The following NR1D2 variants were observed in gnomAD, a reference collection of about 807,000 sequenced individuals.
NR1D2 encodes the protein V-erbA-related protein 1-related.
A neutral mutation model predicts 52.2 loss-of-function variants in NR1D2; 25 were observed. The ratio of observed to expected loss-of-function variants is 0.48; its 90% confidence interval spans 0.35 to 0.67. The LOEUF is 0.67. Ranked by LOEUF, NR1D2 falls within the 30% of genes least tolerant of loss-of-function variation. The probability of loss-of-function intolerance (pLI) is 0.01; values close to 1 mark genes in which losing one functional copy is unlikely to be tolerated. For missense variants in NR1D2, 681 were observed against 707.2 expected (o/e 0.96, Z 0.42); for synonymous variants, 259 against 230.1 (o/e 1.13, Z -1.14).
chr3:23,957,954 A>G (rs1034147519), intron 3 of NR1D2, among the ~76,000 whole-genome samples: 1 of 152,206 alleles, frequency 6.6e-6, no homozygotes, highest in Non-Finnish European at 1.5e-5. Flanking sequence ...TAGATTCGGG[A>G]AATGTGTTTA....
At chr3:23,947,339 C>T (rs779499750) in intron 1 of NR1D2, among the ~76,000 whole-genome samples, 3 of 152,190 alleles carry the variant, frequency 2.0e-5, no homozygotes, top group African/African-American at 4.8e-5. Context: ...ATAAAAATTC[C>T]TCCGGATGAA....
In NR1D2 at chr3:23,954,654, A is replaced by G; in HGVS notation, c.134A>G (p.Asn45Ser). The change falls in exon 2 of 8, where the codon AAT becomes AGT. Residue 45 changes from asparagine (N) to serine (S), a missense_variant. By Grantham distance (46) the Asn-to-Ser change is conservative (BLOSUM62 1). Coordinates refer to ENST00000312521, the MANE Select transcript of NR1D2 (RefSeq NM_005126.5). The part of the protein sequence containing the change: ...SSSSSVPSSP[N>S]SSNSDTNGNP... ...TCCTCTTCTGTTCCATCTTCTCCAA[A>G]TAGCTCTAATTCTGATACCAATGGT... 3 of 1,614,086 alleles carry G rather than the reference A, an allele frequency of 1.9e-6. No individual in the cohort carries two copies. The highest frequency in any genetic ancestry group is 2.5e-6 in the Non-Finnish European group (3 of 1,180,006).
Position 23,964,999 on chromosome 3 carries a change from C to T in NR1D2, c.1169C>T (p.Pro390Leu). 4 of 1,612,900 alleles carry T rather than the reference C, an allele frequency of 2.5e-6. No individual in the cohort carries two copies. In the Middle Eastern group the frequency reaches 6.6e-4, roughly 266 times the overall value. ...MHLVCPMSKS[P>L]YVDPHKSGHE... ...TAGGTTTGTCCAATGAGTAAGTCTC[C>T]ATATGTGGATCCTCATAAATCAGGA... is the stretch of plus-strand genomic sequence containing the variant. Residue 390 changes from proline (P) to leucine (L), a missense_variant, in exon 6 of 8, where the codon CCA becomes CTA. Transcript: ENST00000312521.
chr3:23,948,969 C>T (rs1705854175), intron 1 of NR1D2, among the ~76,000 whole-genome samples: 1 of 152,164 alleles, frequency 6.6e-6, no homozygotes, highest in South Asian at 2.1e-4. Context: ...TTCATCAGTC[C>T]TCTCTTTAGT....
Position 23,965,723 on chromosome 3 carries a change from C to T in NR1D2, c.1332+561C>T, listed in dbSNP as rs182031868. Among the ~76,000 whole-genome samples the T allele has an allele frequency of 1.9e-3, 286 of 152,196 alleles. 2 individuals carry two copies. Among genetic ancestry groups the T allele is most frequent in the Admixed American group, 0.017 (265 of 15,282 alleles). ...ATTTAGGATTTGAAATATAGGTATT[C>T]TGTATCTACAGCATATGAACTCCTG... On this transcript the variant is annotated intron_variant, in intron 6 of 7. Transcript: ENST00000312521.
intron 7 of NR1D2, among the ~76,000 whole-genome samples, chr3:23,974,887 C>T (rs966678113): frequency 6.7e-5 from 10 of 148,700 alleles, no homozygotes; most frequent in South Asian, 4.3e-4. Context: ...GGCATGATCT[C>T]GACTCACTGC....
chr3:23,973,880 C>T (rs1294994607), intron 7 of NR1D2, among the ~76,000 whole-genome samples: 3 of 151,932 alleles, frequency 2.0e-5, no homozygotes, highest in African/African-American at 7.2e-5. Flanking sequence ...AAAACTGTGA[C>T]AGACACATAC....
In NR1D2 at chr3:23,958,591, T is replaced by TA. The variant is rs375483148; in HGVS notation, c.373-1079dup. ...GGAGTTCGAAGTTGCGGTGAGCTAT[T>TA]ATTACGTCATTGTACTCCAGCCTGG... On this transcript the variant is annotated intron_variant, in intron 3 of 7. Transcript: ENST00000312521. Among the ~76,000 whole-genome samples, 402 of 149,372 alleles carry TA rather than the reference T, an allele frequency of 2.7e-3. 4 individuals carry two copies. The highest frequency in any genetic ancestry group is 9.2e-3 in the African/African-American group (372 of 40,376).
At position 23,977,275 on chromosome 3, in the gene NR1D2, C is replaced by G. The variant is rs138945807; in HGVS notation, c.1596C>G (p.Leu532=). ...CTGTGGAGGCTTTGCAGGAAACTCT[C>G]ATTCGTGCACTAAGGACCTTAATAA... ...VNSVEALQET[L]IRALRTLIMK... is the part of the protein sequence containing the mutation. Residue 532 remains leucine (L), a synonymous_variant, in exon 8 of 8, where the codon CTC becomes CTG. Coordinates refer to ENST00000312521, the MANE Select transcript of NR1D2 (RefSeq NM_005126.5). 1,167 of 1,611,198 alleles carry G rather than the reference C, an allele frequency of 7.2e-4. 17 individuals carry two copies. In the South Asian group the frequency reaches 0.012, roughly 17 times the overall value.
chr3:23,953,472 C>G (rs1296190681), intron 1 of NR1D2, among the ~76,000 whole-genome samples: 2 of 150,274 alleles, frequency 1.3e-5, no homozygotes, highest in South Asian at 4.2e-4. Context: ...TACTGTTATT[C>G]TGGTATAGCA....
At chr3:23,948,628 T>TGGAA (rs1705843300) in intron 1 of NR1D2, among the ~76,000 whole-genome samples, 1 of 152,226 alleles carries the variant, frequency 6.6e-6, no homozygotes, top group Admixed American at 6.5e-5. Flanking sequence ...CTTTTACATG[T>TGGAA]GTTCCTCATG....
intron 5 of NR1D2, chr3:23,963,458 GTTT>G: frequency 1.1e-6 from 1 of 946,416 alleles, no homozygotes. Flanking sequence ...TTGCTTTTTT[GTTT>G]TTTTTTTTGA....
intron 3 of NR1D2, among the ~76,000 whole-genome samples, chr3:23,956,758 A>G (rs539713906): frequency 4.0e-4 from 61 of 152,268 alleles, no homozygotes; most frequent in African/African-American, 1.4e-3. Flanking sequence ...CTACCTCCCT[A>G]CCTATATACA....
intron 3 of NR1D2, among the ~76,000 whole-genome samples, chr3:23,957,070 C>A (rs1171122033): frequency 2.6e-5 from 4 of 151,962 alleles, no homozygotes; most frequent in African/African-American, 9.7e-5. Flanking sequence ...GCAACCTCTG[C>A]CTCCTGGGTT....
intron 3 of NR1D2, among the ~76,000 whole-genome samples, chr3:23,957,243 A>G (rs777818739): frequency 1.8e-4 from 27 of 151,860 alleles, no homozygotes; most frequent in Non-Finnish European, 3.2e-4. Flanking sequence ...TCGGCTTCGC[A>G]AAGTGCTGGG....
At chr3:23,965,271 GCTC>G in intron 6 of NR1D2, 109 bp downstream of exon 6, 1 of 795,412 alleles carries the variant, frequency 1.3e-6, no homozygotes, top group Non-Finnish European at 1.8e-6. Flanking sequence ...ACAGAATCCT[GCTC>G]TGTCACCCAG....
intron 6 of NR1D2, among the ~76,000 whole-genome samples, chr3:23,966,114 T>C (rs1422404393): frequency 2.0e-5 from 3 of 152,214 alleles, no homozygotes; most frequent in Non-Finnish European, 4.4e-5. Flanking sequence ...GCATCCCTTT[T>C]GCTGCCAAGG....
Position 23,962,193 on chromosome 3 carries a change from CTTCTGATT to C in NR1D2, c.737_744del (p.Ser246CysfsTer20). 6.2e-7 allele frequency: 1 copy of C among 1,614,212 alleles called. No homozygotes were observed. Among genetic ancestry groups the C allele is most frequent in the Non-Finnish European group, 8.5e-7 (1 of 1,180,038 alleles). On this transcript the variant is annotated frameshift_variant, in exon 5 of 8. Transcript: ENST00000312521. LOFTEE classifies it high-confidence loss of function. ...AACATCAAAAGCTCTTCTCCTCCATCTTCTGATTTTGCAAAGGAAGAAGTGATTGGCAT... is the reference window on the plus strand; with the variant it reads ...AACATCAAAAGCTCTTCTCCTCCATCTTGCAAAGGAAGAAGTGATTGGCAT...
At chr3:23,968,070 C>A in intron 7 of NR1D2, 47 bp downstream of exon 7, 1 of 1,457,636 alleles carries the variant, frequency 6.9e-7, no homozygotes, top group Non-Finnish European at 9.6e-7. Flanking sequence ...ATATAGTGAC[C>A]AACTGGGGAG....
Sources: allele counts gnomAD v4.1 joint callset (sites outside exome capture counted in the v4.1 genomes callset), GRCh38; gene constraint gnomAD v4.1.1; transcripts MANE v1.5; gene names NCBI Gene and HGNC (gene_info 2026-07-23, HGNC 2026-07-21).